Variants in GPAT4 observed in about 807,000 individuals in gnomAD.
The protein encoded by GPAT4 is glycerol-3-phosphate acyltransferase 4, also known as 1-AGP acyltransferase 6.
A neutral mutation model predicts 58.0 loss-of-function variants in GPAT4; 17 were observed. The observed-to-expected ratio is 0.29, with a 90% CI of 0.20 to 0.44. The LOEUF is 0.44. Among genes scored for constraint, GPAT4 ranks in the 20% least tolerant of loss-of-function variants. The pLI is 1.00. For synonymous variants in GPAT4, 204 were observed against 210.1 expected (o/e 0.97, Z 0.25); for missense variants, 377 against 574.5 (o/e 0.66, Z 3.51).
chr8:41,617,479 C>G (rs995991514), intron 10 of GPAT4, among the ~76,000 whole-genome samples: 1 of 152,210 alleles, frequency 6.6e-6, no homozygotes, highest in African/African-American at 2.4e-5. Flanking sequence ...ATTATAATAA[C>G]ACATTAAGTC....
Position 41,623,452 on chromosome 8 carries a change from T to G in GPAT4, c.*2451T>G, listed in dbSNP as rs1442175105. On this transcript the variant is annotated 3_prime_UTR_variant, in exon 13 of 13. Coordinates refer to ENST00000396987, the MANE Select transcript of GPAT4 (RefSeq NM_178819.4). ...ACCCAGTGGTGTAATGAGTGGAAAG[T>G]GCTGGTCAGCTGCTAACCCCCCTCC... 1 of 152,238 alleles carries G rather than the reference T, an allele frequency of 6.6e-6. No individual in the cohort carries two copies. The highest frequency in any genetic ancestry group is 1.5e-5 in the Non-Finnish European group (1 of 68,070). The allele number at this position is 152,238 out of a possible 1,614,324, so 9.4% of individuals were successfully genotyped here. A position where few individuals can be genotyped will look rare whatever the true frequency, so the allele number is the denominator to read the frequency against.
chr8:41,591,609 TAGCAAACAAGGGAGTAGTA>T (rs950498864), intron 1 of GPAT4, among the ~76,000 whole-genome samples: 5 of 152,218 alleles, frequency 3.3e-5, no homozygotes, highest in African/African-American at 1.2e-4. Context: ...GAAGTACAGG[TAGCAAACAAGGGAGTAGTA>T]AGCAGGTTCC....
chr8:41,597,237 G>A (rs915381286), intron 1 of GPAT4, among the ~76,000 whole-genome samples: 2 of 152,126 alleles, frequency 1.3e-5, no homozygotes, highest in Non-Finnish European at 2.9e-5. Context: ...AAAACATTGC[G>A]CAGATTTTAA....
intron 10 of GPAT4, among the ~76,000 whole-genome samples, chr8:41,618,129 A>T (rs1056768539): frequency 2.0e-5 from 3 of 152,210 alleles, no homozygotes; most frequent in African/African-American, 7.2e-5. Flanking sequence ...CAGACGACTG[A>T]CTTTGTTGGA....
intron 10 of GPAT4, among the ~76,000 whole-genome samples, chr8:41,616,496 C>T (rs544955660): frequency 7.2e-5 from 11 of 152,260 alleles, no homozygotes; most frequent in African/African-American, 2.2e-4. Flanking sequence ...AGTTTCCCCG[C>T]GTTGCTCAGA....
intron 8 of GPAT4, among the ~76,000 whole-genome samples, chr8:41,613,730 C>T (rs141145300): frequency 7.0e-4 from 107 of 152,216 alleles, no homozygotes; most frequent in Non-Finnish European, 1.1e-3. Context: ...GCCTGGGCAA[C>T]ATAGGAAGAC....
At chr8:41,602,954 A>G (rs1439684854) in intron 2 of GPAT4, among the ~76,000 whole-genome samples, 1 of 151,986 alleles carries the variant, frequency 6.6e-6, no homozygotes, top group African/African-American at 2.4e-5. Context: ...AGTGCTATTC[A>G]TGACTGCTTC....
At chr8:41,584,968 A>G (rs186232593) in intron 1 of GPAT4, 5 of 152,150 alleles carry the variant, frequency 3.3e-5, no homozygotes, top group Admixed American at 1.3e-4. Flanking sequence ...GTCTTGGGTA[A>G]TTTATTTTAT....
chr8:41,616,281 C>T (rs535060706), intron 10 of GPAT4, among the ~76,000 whole-genome samples: 2 of 152,160 alleles, frequency 1.3e-5, no homozygotes, highest in Non-Finnish European at 2.9e-5. Flanking sequence ...GGCCCCACAC[C>T]CAGGGTTTCT....
intron 1 of GPAT4, among the ~76,000 whole-genome samples, chr8:41,583,260 G>A (rs961058784): frequency 5.3e-5 from 8 of 151,528 alleles, no homozygotes; most frequent in African/African-American, 1.7e-4. Context: ...CAAGAAATTG[G>A]TAACTATAGT....
chr8:41,592,685 A>G (rs984848521), intron 1 of GPAT4, among the ~76,000 whole-genome samples: 1 of 152,110 alleles, frequency 6.6e-6, no homozygotes, highest in Non-Finnish European at 1.5e-5. Context: ...AAAACATTTC[A>G]TGTTTTTCCT....
intron 2 of GPAT4, among the ~76,000 whole-genome samples, chr8:41,607,366 C>T (rs1432530701): frequency 6.6e-6 from 1 of 152,170 alleles, no homozygotes. Flanking sequence ...TGTAGAATCT[C>T]AATTAGCAGA....
At chr8:41,594,615 G>A (rs930763209) in intron 1 of GPAT4, among the ~76,000 whole-genome samples, 2 of 143,096 alleles carry the variant, frequency 1.4e-5, no homozygotes, top group African/African-American at 5.3e-5. Flanking sequence ...GTCCGATCTC[G>A]GCTCACTGCA....
intron 2 of GPAT4, among the ~76,000 whole-genome samples, chr8:41,605,635 C>T (rs1379920758): frequency 3.3e-5 from 5 of 152,046 alleles, no homozygotes; most frequent in African/African-American, 7.2e-5. Flanking sequence ...AGTGCAGTGG[C>T]GCAATCTTGG....
At chr8:41,615,279 G>A (rs187790021) in intron 10 of GPAT4, among the ~76,000 whole-genome samples, 4 of 152,332 alleles carry the variant, frequency 2.6e-5, no homozygotes, top group East Asian at 3.9e-4. Context: ...CCAGATTCCC[G>A]CCTGCATGCT....
intron 1 of GPAT4, among the ~76,000 whole-genome samples, chr8:41,587,170 G>A (rs1207030447): frequency 6.6e-6 from 1 of 152,168 alleles, no homozygotes; most frequent in Non-Finnish European, 1.5e-5. Context: ...TTATGTTCCT[G>A]TTTTCTGGAG....
At chr8:41,608,523 T>C (rs1803348255) in intron 2 of GPAT4, among the ~76,000 whole-genome samples, 1 of 152,250 alleles carries the variant, frequency 6.6e-6, no homozygotes, top group African/African-American at 2.4e-5. Flanking sequence ...AACCAGCCCC[T>C]GGCTGTCTTA....
At position 41,589,405 on chromosome 8, in the gene GPAT4, G is replaced by A. The variant is rs536161189; in HGVS notation, c.-848-8887G>A. On this transcript the variant is annotated intron_variant, in intron 1 of 12. Transcript: ENST00000396987. Reference sequence around the variant, plus strand: ...TGGGATGGGACTGGGAGAGCCAGCAGGGGGCCTCTGAGCGGAGGAAAGACT... The same window carrying A: ...TGGGATGGGACTGGGAGAGCCAGCAAGGGGCCTCTGAGCGGAGGAAAGACT... Among the ~76,000 whole-genome samples, 13 of 152,022 alleles carry A rather than the reference G, an allele frequency of 8.6e-5. No homozygotes were observed. The East Asian group carries it at 2.5e-3, about 29-fold the overall frequency.
chr8:41,585,269 T>C (rs1434015260), intron 1 of GPAT4, among the ~76,000 whole-genome samples: 2 of 152,176 alleles, frequency 1.3e-5, no homozygotes, highest in African/African-American at 4.8e-5. Flanking sequence ...TGGATGCTTT[T>C]TTCTGAATTG....
Sources: allele counts gnomAD v4.1 joint callset (sites outside exome capture counted in the v4.1 genomes callset), GRCh38; gene constraint gnomAD v4.1.1; transcripts MANE v1.5; gene names NCBI Gene and HGNC (gene_info 2026-07-23, HGNC 2026-07-21).